FYCO1: variants seen among roughly 807,000 people sequenced by gnomAD.
FYCO1 encodes the protein FYVE and coiled-coil domain-containing protein 1.
Under a neutral mutation model 165.1 loss-of-function variants are expected in FYCO1, and 122 were observed. That is an observed-to-expected ratio of 0.74 (90% CI 0.64 to 0.86). The LOEUF is 0.86. FYCO1 is among the 40% of genes least tolerant of loss of function. The pLI is 0.00. For synonymous variants in FYCO1, 648 were observed against 742.5 expected (o/e 0.87, Z 2.07); for missense variants, 1,702 against 1,810.3 (o/e 0.94, Z 1.09).
chr3:45,941,481 T>TA (rs1168933787), intron 14 of FYCO1, among the ~76,000 whole-genome samples: 1 of 152,264 alleles, frequency 6.6e-6, no homozygotes, highest in Non-Finnish European at 1.5e-5. Flanking sequence ...CAAATAAAAG[T>TA]AATGCCCTTA....
chr3:45,994,690 G>A (rs1478138606), intron 1 of FYCO1, among the ~76,000 whole-genome samples: 1 of 149,574 alleles, frequency 6.7e-6, no homozygotes. Flanking sequence ...AGCCGCATTA[G>A]GCAGATGGCA....
chr3:45,978,382 C>A (rs1277840188), intron 4 of FYCO1, among the ~76,000 whole-genome samples: 1 of 152,204 alleles, frequency 6.6e-6, no homozygotes, highest in African/African-American at 2.4e-5. Flanking sequence ...GACTCATCCA[C>A]ACTAACATGG....
At chr3:45,970,130 G>C (rs866683558) in intron 6 of FYCO1, among the ~76,000 whole-genome samples, 2 of 152,210 alleles carry the variant, frequency 1.3e-5, no homozygotes, top group Non-Finnish European at 2.9e-5. Context: ...TGTGCTTGGG[G>C]GCTCAGCTGC....
intron 14 of FYCO1, among the ~76,000 whole-genome samples, chr3:45,943,045 C>T (rs1273881824): frequency 6.6e-6 from 1 of 152,210 alleles, no homozygotes; most frequent in Admixed American, 6.5e-5. Flanking sequence ...CACTGCAGGG[C>T]TGCTATGGGG....
In FYCO1 at chr3:45,966,384, G is replaced by C; in HGVS notation, c.2950C>G (p.Gln984Glu). Residue 984 changes from glutamine (Q) to glutamate (E), a missense_variant, in exon 8 of 18, where the codon CAG becomes GAG. Transcript: ENST00000296137. ...AGGCTCTGGGCCCGCTGCTCTGCCT[G>C]GGCGAGCTGGGCCTGCAGGCCAGGC... The part of the protein sequence containing the change: ...SLPGLQAQLA[Q>E]AEQRAQSLQE... The C allele has an allele frequency of 2.5e-6, 4 of 1,613,978 alleles. No individual in the cohort carries two copies. The highest frequency in any genetic ancestry group is 3.4e-6 in the Non-Finnish European group (4 of 1,179,896).
At chr3:45,959,346 T>C in intron 12 of FYCO1, 47 bp downstream of exon 12, 1 of 1,609,162 alleles carries the variant, frequency 6.2e-7, no homozygotes, top group Non-Finnish European at 8.5e-7. Flanking sequence ...GCTCTGGTCC[T>C]GGGCCCCACC....
Position 45,955,246 on chromosome 3 carries a change from C to T in FYCO1, c.3944+3G>A. 6.2e-7 allele frequency: 1 copy of T among 1,613,774 alleles called. No individual in the cohort carries two copies. Among genetic ancestry groups the T allele is most frequent in the Non-Finnish European group, 8.5e-7 (1 of 1,180,024 alleles). On this transcript the variant is annotated splice_donor_region_variant and intron_variant, in intron 14 of 17. Coordinates refer to ENST00000296137, the MANE Select transcript of FYCO1 (RefSeq NM_024513.4). ...TCAGGAAATGGGGGTGACCTCTACT[C>T]ACTGTTCAGCCGCATTTGGGTCGAG...
intron 14 of FYCO1, among the ~76,000 whole-genome samples, chr3:45,937,605 A>G (rs921039286): frequency 6.6e-6 from 1 of 152,216 alleles, no homozygotes; most frequent in African/African-American, 2.4e-5. Context: ...ACTCAGAGAT[A>G]GCATTGTGTG....
In FYCO1 at chr3:45,967,206, G is replaced by A; in HGVS notation, c.2128C>T (p.Gln710Ter). The part of the protein sequence containing the change: ...AILQSKEGEC[Q>*]QLREEVEQCQ... ...TGCTCCACCTCCTCCCGCAGCTGCT[G>A]ACACTCGCCCTCCTTGCTCTGTAGA... Residue 710 changes from glutamine (Q) to a stop codon, truncating the protein, a stop_gained, in exon 8 of 18, where the codon CAG (glutamine) becomes TAG (stop). Coordinates refer to ENST00000296137, the MANE Select transcript of FYCO1 (RefSeq NM_024513.4). LOFTEE classifies it high-confidence loss of function. 6.2e-7 allele frequency: 1 copy of A among 1,613,956 alleles called. No homozygotes were observed. The highest frequency in any genetic ancestry group is 8.5e-7 in the Non-Finnish European group (1 of 1,179,946).
chr3:45,921,752 T>G lies in FYCO1; in HGVS notation c.*13A>C, dbSNP rs1411507324. The G allele has an allele frequency of 6.4e-7, 1 of 1,559,218 alleles. No individual in the cohort carries two copies. On this transcript the variant is annotated 3_prime_UTR_variant, in exon 18 of 18. Coordinates refer to ENST00000296137, the MANE Select transcript of FYCO1 (RefSeq NM_024513.4). ...TTTCCTGTGGATGAAGTGAAGTTAC[T>G]GAGGTGCTGAAGCTACAGGAAATCA...
In FYCO1 at chr3:45,964,046, T is replaced by G. The variant is rs774559351; in HGVS notation, c.3269+290A>C. On this transcript the variant is annotated intron_variant, in intron 10 of 17. Coordinates refer to ENST00000296137, the MANE Select transcript of FYCO1 (RefSeq NM_024513.4). The surrounding 1 kb of genome is among the most constrained non-coding windows in gnomAD (Gnocchi z 4.1). ...TACCATTATTATTATGATCTAACTT[T>G]TATTTCATTTTAGTTTTTCCAAAGC... 1.7e-4 allele frequency among the ~76,000 whole-genome samples: 26 copies of G among 152,246 alleles called. No homozygotes were observed. Among genetic ancestry groups the G allele is most frequent in the South Asian group, 1.0e-3 (5 of 4,830 alleles).
In FYCO1 at chr3:45,965,030, T is replaced by C; in HGVS notation, c.3150+3A>G. The C allele has an allele frequency of 6.2e-7, 1 of 1,613,436 alleles. No homozygotes were observed. The highest frequency in any genetic ancestry group is 8.5e-7 in the Non-Finnish European group (1 of 1,179,424). On this transcript the variant is annotated splice_donor_region_variant and intron_variant, in intron 9 of 17. Coordinates refer to ENST00000296137, the MANE Select transcript of FYCO1 (RefSeq NM_024513.4). ...CTGACAGGTCTACACTACCAGGGCC[T>C]ACCTTCAGCTTCTCCACAGCTTCCT...
chr3:45,985,000 G>C lies in FYCO1; in HGVS notation c.-90C>G. The C allele has an allele frequency of 8.1e-7, 1 of 1,237,962 alleles. No homozygotes were observed. Among genetic ancestry groups the C allele is most frequent in the South Asian group, 1.2e-5 (1 of 83,408 alleles). The allele number at this position is 1,237,962 out of a possible 1,614,324, so 76.7% of individuals were successfully genotyped here. On this transcript the variant is annotated 5_prime_UTR_variant, in exon 2 of 18. Coordinates refer to ENST00000296137, the MANE Select transcript of FYCO1 (RefSeq NM_024513.4). ...GCCCTCGGTGGCTGTCTGCTCAGCA[G>C]TGGTCAGACTCCATGGTGGCACCTG...
chr3:45,921,572 C>A lies in FYCO1; in HGVS notation c.*193G>T, dbSNP rs1000916088. On this transcript the variant is annotated 3_prime_UTR_variant, in exon 18 of 18. Coordinates refer to ENST00000296137, the MANE Select transcript of FYCO1 (RefSeq NM_024513.4). ...TGGAAACATTGCCTGAGCCCTTCAACGCCTCGGGGGCTAAGAGTGGCCGGT... is the reference window on the plus strand; with the variant it reads ...TGGAAACATTGCCTGAGCCCTTCAAAGCCTCGGGGGCTAAGAGTGGCCGGT... 9 of 603,314 alleles carry A rather than the reference C, an allele frequency of 1.5e-5. No individual in the cohort carries two copies. Among genetic ancestry groups the A allele is most frequent in the African/African-American group, 1.5e-4 (8 of 54,178 alleles). 37.4% of individuals were successfully genotyped at this position (603,314 alleles called of 1,614,324 possible).
Position 45,979,761 on chromosome 3 carries a change from G to A in FYCO1, c.232C>T (p.Leu78=). Residue 78 remains leucine, a synonymous_variant, in exon 4 of 18, where the codon CTG becomes TTG. Transcript: ENST00000296137. ...TCATTGGCTCCTTTCACCTTGGCCA[G>A]GCAGGCACAGAAGTAATCCCAGTAG... ...KDYWDYFCAC[L]AKVKGANDGI... 3.1e-6 allele frequency: 5 copies of A among 1,614,110 alleles called. No individual in the cohort carries two copies. The South Asian group carries it at 5.5e-5, about 18-fold the overall frequency.
chr3:45,963,056 T>C (rs189927375), intron 10 of FYCO1, among the ~76,000 whole-genome samples: 68 of 152,150 alleles, frequency 4.5e-4, no homozygotes, highest in African/African-American at 1.6e-3. Context: ...CCAAGGATGG[T>C]CCAGTGGGAC....
chr3:45,986,370 C>A (rs1324975570), intron 1 of FYCO1, among the ~76,000 whole-genome samples: 1 of 152,208 alleles, frequency 6.6e-6, no homozygotes, highest in Non-Finnish European at 1.5e-5. Context: ...TGCCACCTTG[C>A]CCTCGTGGCT....
rs756824773 is a variant in FYCO1 at position 45,981,721 on chromosome 3, C to G, written c.56-45G>C. The G allele has an allele frequency of 3.0e-6, 4 of 1,323,390 alleles. No individual in the cohort carries two copies. In the South Asian group the frequency reaches 3.5e-5, roughly 12 times the overall value. 82.0% of individuals were successfully genotyped at this position (1,323,390 alleles called of 1,614,324 possible). A position where few individuals can be genotyped will look rare whatever the true frequency, so the allele number is the denominator to read the frequency against. On this transcript the variant is annotated intron_variant, in intron 2 of 17. Transcript: ENST00000296137. Reference sequence around the variant, plus strand: ...AACATGTAACCAGATAGTGACTAAACTCAGACAGAGAAGCAGAAATAATCC... The same window carrying G: ...AACATGTAACCAGATAGTGACTAAAGTCAGACAGAGAAGCAGAAATAATCC...
At chr3:45,963,527 G>A (rs975624875) in intron 10 of FYCO1, among the ~76,000 whole-genome samples, 6 of 152,242 alleles carry the variant, frequency 3.9e-5, no homozygotes, top group African/African-American at 1.4e-4. Context: ...CTAGAAGGCA[G>A]GTGTTGGGAA....
Sources: gnomAD v4.1 joint callset for allele counts (sites outside exome capture counted in the v4.1 genomes callset) on GRCh38, gnomAD v4.1.1 for gene constraint, Gnocchi (gnomAD v3.1) non-coding constraint, MANE v1.5 for transcripts, NCBI Gene and HGNC (gene_info 2026-07-23, HGNC 2026-07-21) for gene names.